The following MEAF6 variants were observed in gnomAD, a reference collection of about 807,000 sequenced individuals.
The protein encoded by MEAF6 is chromatin modification-related protein MEAF6.
MEAF6 carries 15 observed loss-of-function variants against 28.9 expected under a neutral mutation model. The ratio of observed to expected loss-of-function variants is 0.52; its 90% CI spans 0.35 to 0.80. The LOEUF (loss-of-function observed/expected upper bound fraction) is 0.80. Ranked by LOEUF, MEAF6 falls within the 30% of genes least tolerant of loss-of-function variation. The pLI is 0.01. For missense variants in MEAF6, 178 were observed against 237.5 expected (o/e 0.75, Z 1.65); for synonymous variants, 97 against 88.7 (o/e 1.09, Z -0.53).
intron 1 of MEAF6, chr1:37,514,450 GCT>G (rs1642773397): frequency 2.9e-6 from 1 of 341,582 alleles, no homozygotes; most frequent in African/African-American, 2.2e-5. Context: ...CGCGCTCCCG[GCT>G]CTCTCCCGGC....
intron 5 of MEAF6, among the ~76,000 whole-genome samples, chr1:37,498,878 G>A (rs1480160036): frequency 2.6e-5 from 4 of 152,268 alleles, no homozygotes; most frequent in African/African-American, 9.6e-5. Flanking sequence ...CTGGCGGGGT[G>A]TGGTGTGGTT....
intron 2 of MEAF6, among the ~76,000 whole-genome samples, chr1:37,513,103 A>G (rs1220117480): frequency 1.3e-5 from 2 of 152,198 alleles, no homozygotes; most frequent in African/African-American, 4.8e-5. Context: ...AGAAAAAAAG[A>G]AAAGAAAAAT....
intron 1 of MEAF6, chr1:37,513,816 T>A (rs1642744285): frequency 1.9e-6 from 1 of 524,668 alleles, no homozygotes. Context: ...ACGGAAACCA[T>A]GAGTCAAGAG....
chr1:37,513,464 G>A lies in MEAF6; in HGVS notation c.165C>T (p.Gly55=). ...ACCGATCCCAGCCACGAATAATATT[G>A]CCATACATCTGAGTGTCTTCCAGGT... is the stretch of plus-strand genomic sequence containing the variant. The part of the protein sequence containing the change: ...GSYLEDTQMY[G]NIIRGWDRYL... The change falls in exon 2 of 7, where the codon GGC becomes GGT. Residue 55 remains glycine, a synonymous_variant. Coordinates refer to ENST00000296214, the MANE Select transcript of MEAF6 (RefSeq NM_001270875.3). 1 of 1,614,140 alleles carries A rather than the reference G, an allele frequency of 6.2e-7. No individual in the cohort carries two copies. The highest frequency in any genetic ancestry group is 8.5e-7 in the Non-Finnish European group (1 of 1,179,994).
rs541196749 is a variant in MEAF6, at chr1:37,494,838, A to C, written c.568-731T>G. Reference sequence around the variant, plus strand: ...AGAGCCAGACCCTGTCACACACACAAAAAAAAAATTTAAAAAAAGATTCTA... The same window carrying C: ...AGAGCCAGACCCTGTCACACACACACAAAAAAAATTTAAAAAAAGATTCTA... On this transcript the variant is annotated intron_variant, in intron 6 of 6. Coordinates refer to ENST00000296214, the MANE Select transcript of MEAF6 (RefSeq NM_001270875.3). Among the ~76,000 whole-genome samples, 50 of 151,400 alleles carry C rather than the reference A, an allele frequency of 3.3e-4. No individual in the cohort carries two copies. In the East Asian group the frequency reaches 3.5e-3, roughly 11 times the overall value.
intron 2 of MEAF6, 137 bp downstream of exon 2, chr1:37,513,286 C>T (rs1557614230): frequency 1.5e-6 from 1 of 647,380 alleles, no homozygotes; most frequent in Admixed American, 2.7e-5. Flanking sequence ...GTGCCTGAGC[C>T]AGAGTCCAAG....
chr1:37,499,795 T>C (rs1454242552), intron 5 of MEAF6, among the ~76,000 whole-genome samples: 2 of 152,208 alleles, frequency 1.3e-5, no homozygotes, highest in African/African-American at 4.8e-5. Context: ...CCTATGGAAA[T>C]GTGCTAGAAA....
chr1:37,501,811 G>A lies in MEAF6; in HGVS notation c.526C>T (p.Arg176Trp). Residue 176 changes from arginine (R) to tryptophan (W), a missense_variant, in exon 5 of 7, where the codon CGG becomes TGG. Transcript: ENST00000296214. ...SSHKKRKNKN[R>W]HRIDLKLNKK... is the part of the protein sequence containing the mutation. ...GGGATCCCTGCCACTGACCTGTGCC[G>A]GTTTTTATTCTTTCGCTTTTTATGG... is the stretch of plus-strand genomic sequence containing the variant. 3.2e-6 allele frequency: 5 copies of A among 1,583,852 alleles called. No individual in the cohort carries two copies. Among genetic ancestry groups the A allele is most frequent in the South Asian group, 2.3e-5 (2 of 88,214 alleles).
chr1:37,501,896 C>T lies in MEAF6; in HGVS notation c.441G>A (p.Val147=), dbSNP rs1391813413. The change falls in exon 5 of 7, where the codon GTG becomes GTA. Residue 147 remains valine, a synonymous_variant. Coordinates refer to ENST00000296214, the MANE Select transcript of MEAF6 (RefSeq NM_001270875.3). The part of the protein sequence containing the change: ...QEDPEDLDGS[V]QGVKPQKAAS... ...CAGCCTTCTGAGGTTTCACTCCCTG[C>T]ACAGATCCATCCAGATCCTCAGGGT... 3 of 1,612,528 alleles carry T rather than the reference C, an allele frequency of 1.9e-6. No individual in the cohort carries two copies. In the Admixed American group the frequency reaches 5.0e-5, roughly 27 times the overall value.
intron 1 of MEAF6, 104 bp downstream of exon 1, chr1:37,514,553 C>T: frequency 1.2e-6 from 1 of 841,866 alleles, no homozygotes; most frequent in Non-Finnish European, 1.6e-6. Flanking sequence ...CCCGCCGCGC[C>T]GCGCCCCCGG....
chr1:37,508,486 C>T (rs1188348757), intron 4 of MEAF6, among the ~76,000 whole-genome samples: 5 of 151,876 alleles, frequency 3.3e-5, no homozygotes, highest in Non-Finnish European at 7.4e-5. Flanking sequence ...GCTTTGTTGA[C>T]TAGGCTGGTC....
chr1:37,496,123 A>C (rs191105705), intron 5 of MEAF6, among the ~76,000 whole-genome samples: 22 of 152,376 alleles, frequency 1.4e-4, no homozygotes, highest in African/African-American at 4.8e-4. Context: ...TTTTTGCCCT[A>C]AGGCAAACTT....
In MEAF6 at chr1:37,509,471, G is replaced by A. The variant is rs764216013; in HGVS notation, c.278C>T (p.Ser93Leu). 2.5e-6 allele frequency: 4 copies of A among 1,614,016 alleles called. No homozygotes were observed. The highest frequency in any genetic ancestry group is 1.1e-5 in the South Asian group (1 of 91,064). ...KEAERLFSKSSVTSAAAVSAL... is the reference protein window; with the variant it reads ...KEAERLFSKSLVTSAAAVSAL... ...ACTACTTACAGCTGCTGAGGTAACCGAGGATTTACTGAAGAGCCGCTCAGC... is the reference window on the plus strand; with the variant it reads ...ACTACTTACAGCTGCTGAGGTAACCAAGGATTTACTGAAGAGCCGCTCAGC... The change falls in exon 3 of 7, where the codon TCG becomes TTG. Residue 93 changes from serine to leucine, a missense_variant. Ser to Leu is a moderately radical substitution (Grantham distance 145). Transcript: ENST00000296214.
At chr1:37,514,224 C>T (rs1642759328) in intron 1 of MEAF6, 1 of 162,742 alleles carries the variant, frequency 6.1e-6, no homozygotes, top group Admixed American at 6.5e-5. Flanking sequence ...AAAGAACACG[C>T]TCCCCACCAG....
rs779682838 is a variant in MEAF6 at position 37,514,731 on chromosome 1, T to A, written c.16A>T (p.Lys6Ter). Residue 6 changes from lysine (K) to a stop codon, truncating the protein, a stop_gained, in exon 1 of 7, where the codon AAG (lysine) becomes TAG (stop). Coordinates refer to ENST00000296214, the MANE Select transcript of MEAF6 (RefSeq NM_001270875.3). LOFTEE classifies it high-confidence loss of function. The part of the protein sequence containing the change: MAMHN[K>*]AAPPQIPDTR... ...TCCGGGATCTGCGGCGGCGCCGCCT[T>A]GTTGTGCATCGCCATGTTGGGCTGA... The A allele has an allele frequency of 6.6e-7, 1 of 1,518,072 alleles. No homozygotes were observed. The highest frequency in any genetic ancestry group is 1.2e-5 in the South Asian group (1 of 83,482). The allele number at this position is 1,518,072 out of a possible 1,614,324, so 94.0% of individuals were successfully genotyped here.
intron 4 of MEAF6, among the ~76,000 whole-genome samples, chr1:37,505,447 C>A (rs1249476216): frequency 6.6e-6 from 1 of 152,190 alleles, no homozygotes; most frequent in Non-Finnish European, 1.5e-5. Context: ...TGGCCCAACA[C>A]AAATTTGTAA....
At chr1:37,502,181 C>T (rs1393856165) in intron 4 of MEAF6, among the ~76,000 whole-genome samples, 185 bp from the exon 5 acceptor site, 1 of 151,846 alleles carries the variant, frequency 6.6e-6, no homozygotes, top group Non-Finnish European at 1.5e-5. Context: ...TCCAAGTGAC[C>T]AAAGGTCCTG....
At chr1:37,510,449 C>T (rs1642632580) in intron 2 of MEAF6, among the ~76,000 whole-genome samples, 1 of 142,810 alleles carries the variant, frequency 7.0e-6, no homozygotes, top group Admixed American at 7.6e-5. Context: ...TGGTGCGATC[C>T]AGGGTCACTG....
chr1:37,496,514 T>G (rs1471884001), intron 5 of MEAF6: 6 of 1,187,258 alleles, frequency 5.1e-6, no homozygotes, highest in Non-Finnish European at 6.7e-6. Flanking sequence ...GAAGTTTACT[T>G]AATTTTGCTT....
Sources: gnomAD v4.1 joint callset for allele counts (sites outside exome capture counted in the v4.1 genomes callset) on GRCh38, gnomAD v4.1.1 for gene constraint, MANE v1.5 for transcripts, NCBI Gene and HGNC (gene_info 2026-07-23, HGNC 2026-07-21) for gene names.